Variants in MSRA observed in about 807,000 individuals in gnomAD.
The protein encoded by MSRA is mitochondrial peptide methionine sulfoxide reductase.
In MSRA, 54 loss-of-function variants were observed where a neutral mutation model predicts 31.3. The ratio of observed to expected loss-of-function variants is 1.73; its 90% confidence interval spans 1.39 to 2.17. The LOEUF (loss-of-function observed/expected upper bound fraction) is 2.17. MSRA is among the 30% of genes most tolerant of loss of function. MSRA has a pLI of 0.00. For missense variants in MSRA, 507 were observed against 300.9 expected (o/e 1.69, Z -5.07); for synonymous variants, 169 against 116.5 (o/e 1.45, Z -2.90).
At chr8:10,230,510 A>G (rs2129072767) in intron 2 of MSRA, among the ~76,000 whole-genome samples, 1 of 152,354 alleles carries the variant, frequency 6.6e-6, no homozygotes, top group Middle Eastern at 3.4e-3. Context: ...ATGCATGCTC[A>G]TTACAGAAAA....
chr8:10,262,432 G>T lies in MSRA; in HGVS notation c.331+17209G>T, dbSNP rs1798531846. Among the ~76,000 whole-genome samples, 4 of 152,130 alleles carry T rather than the reference G, an allele frequency of 2.6e-5. No individual in the cohort carries two copies. In the South Asian group the frequency reaches 8.3e-4, roughly 32 times the overall value. ...TGGCAATTCTGATAGGTGTATAGTGGTATCTCCTTATTGTTTTAATTTGCA... is the reference window on the plus strand; with the variant it reads ...TGGCAATTCTGATAGGTGTATAGTGTTATCTCCTTATTGTTTTAATTTGCA... On this transcript the variant is annotated intron_variant, in intron 3 of 5. Transcript: ENST00000317173.
intron 1 of MSRA, among the ~76,000 whole-genome samples, chr8:10,086,319 A>G (rs189208810): frequency 3.9e-5 from 6 of 152,312 alleles, no homozygotes; most frequent in Non-Finnish European, 7.4e-5. Context: ...GAGGTTGAGA[A>G]AGGAATGAAG....
At chr8:10,231,077 C>T (rs1811435229) in intron 2 of MSRA, among the ~76,000 whole-genome samples, 1 of 152,180 alleles carries the variant, frequency 6.6e-6, no homozygotes, top group South Asian at 2.1e-4. Context: ...TCAGCCACCG[C>T]ACCCAGCCTG....
chr8:10,155,720 A>C (rs1804101003), intron 1 of MSRA, among the ~76,000 whole-genome samples: 1 of 152,174 alleles, frequency 6.6e-6, no homozygotes, highest in South Asian at 2.1e-4. Context: ...GAACATCAAT[A>C]AAGAATATTA....
intron 3 of MSRA, among the ~76,000 whole-genome samples, chr8:10,272,384 AG>A (rs1799090570): frequency 6.6e-6 from 1 of 152,190 alleles, no homozygotes; most frequent in Non-Finnish European, 1.5e-5. Context: ...ATCCAGGAAG[AG>A]CTGATGTTTT....
At chr8:10,352,175 T>A (rs1804192712) in intron 5 of MSRA, among the ~76,000 whole-genome samples, 1 of 152,178 alleles carries the variant, frequency 6.6e-6, no homozygotes, top group Non-Finnish European at 1.5e-5. Flanking sequence ...TGAACAGAGT[T>A]GTGTCATAGC....
chr8:10,280,316 T>C (rs1563303160), intron 3 of MSRA, among the ~76,000 whole-genome samples: 1 of 152,142 alleles, frequency 6.6e-6, no homozygotes, highest in South Asian at 2.1e-4. Flanking sequence ...TGTCATTCTC[T>C]TTTTAACTTA....
chr8:10,207,461 G>C (rs1371884263), intron 1 of MSRA, among the ~76,000 whole-genome samples: 1 of 152,140 alleles, frequency 6.6e-6, no homozygotes, highest in Admixed American at 6.5e-5. Context: ...TCTGCAGGGG[G>C]ACTCACCCCC....
intron 1 of MSRA, among the ~76,000 whole-genome samples, chr8:10,152,041 A>C (rs926278415): frequency 6.6e-6 from 1 of 152,188 alleles, no homozygotes; most frequent in African/African-American, 2.4e-5. Context: ...TTCTTATTTC[A>C]ATGTGTACAC....
Position 10,382,847 on chromosome 8 carries a change from G to A in MSRA, c.544-45301G>A, listed in dbSNP as rs538725815. Among the ~76,000 whole-genome samples the A allele has an allele frequency of 2.6e-5, 4 of 152,276 alleles. No individual in the cohort carries two copies. In the South Asian group the frequency reaches 6.2e-4, roughly 24 times the overall value. On this transcript the variant is annotated intron_variant, in intron 5 of 5. Coordinates refer to ENST00000317173, the MANE Select transcript of MSRA (RefSeq NM_012331.5). ...TGCAGCTTGAAATCACCCAGTCTCT[G>A]CCCCTGACGGTTCCTGGTCCACCTT...
chr8:10,227,726 A>G (rs757618347), intron 2 of MSRA, among the ~76,000 whole-genome samples: 1 of 152,222 alleles, frequency 6.6e-6, no homozygotes, highest in South Asian at 2.1e-4. Context: ...TTAAAGCAGC[A>G]TTAGGAATGA....
rs1231685790 is a variant in MSRA at position 10,428,516 on chromosome 8, G to A, written c.*204G>A. 3.5e-6 allele frequency: 2 copies of A among 569,256 alleles called. No homozygotes were observed. Among genetic ancestry groups the A allele is most frequent in the Non-Finnish European group, 6.1e-6 (2 of 327,284 alleles). 35.3% of individuals were successfully genotyped at this position (569,256 alleles called of 1,614,324 possible). ...GACTTATCTCCTAATAAGTTATGGTGGGAGTGGAGCTGTGCAGTTTCCTGT... is the reference window on the plus strand; with the variant it reads ...GACTTATCTCCTAATAAGTTATGGTAGGAGTGGAGCTGTGCAGTTTCCTGT... On this transcript the variant is annotated 3_prime_UTR_variant, in exon 6 of 6. Coordinates refer to ENST00000317173, the MANE Select transcript of MSRA (RefSeq NM_012331.5).
intron 3 of MSRA, among the ~76,000 whole-genome samples, chr8:10,286,323 A>G (rs1188216930): frequency 6.6e-6 from 1 of 152,110 alleles, no homozygotes; most frequent in Admixed American, 6.6e-5. Context: ...TCATGGGGGC[A>G]GGTCTTTCTG....
At chr8:10,295,096 C>T (rs1444488013) in intron 3 of MSRA, among the ~76,000 whole-genome samples, 1 of 152,142 alleles carries the variant, frequency 6.6e-6, no homozygotes, top group Non-Finnish European at 1.5e-5. Flanking sequence ...ATCTCTGCTG[C>T]TCCCGTCTCT....
chr8:10,126,575 T>G (rs1048298234), intron 1 of MSRA, among the ~76,000 whole-genome samples: 7 of 152,168 alleles, frequency 4.6e-5, no homozygotes, highest in African/African-American at 1.7e-4. Context: ...TGCAGTGGCA[T>G]GATGTCTGCT....
intron 1 of MSRA, among the ~76,000 whole-genome samples, chr8:10,181,533 A>T (rs1806539454): frequency 6.6e-6 from 1 of 152,178 alleles, no homozygotes; most frequent in Non-Finnish European, 1.5e-5. Context: ...GTGAAGACTG[A>T]AATGTATCCT....
intron 3 of MSRA, among the ~76,000 whole-genome samples, chr8:10,288,165 T>G (rs867127452): frequency 7.2e-5 from 11 of 152,242 alleles, no homozygotes; most frequent in African/African-American, 1.7e-4. Flanking sequence ...ATCAGACTAC[T>G]GTTTTTCAGG....
chr8:10,212,157 A>G (rs1202687446), intron 2 of MSRA, among the ~76,000 whole-genome samples: 7 of 152,074 alleles, frequency 4.6e-5, no homozygotes, highest in African/African-American at 1.7e-4. Context: ...ACTGCACTCC[A>G]GCCTAGGTAA....
chr8:10,057,728 C>A (rs143527362), intron 1 of MSRA, among the ~76,000 whole-genome samples: 1 of 152,168 alleles, frequency 6.6e-6, no homozygotes, highest in East Asian at 1.9e-4. Flanking sequence ...TGCGCTCTCT[C>A]GTTCTCTCCT....
Sources: gnomAD v4.1 joint callset for allele counts (sites outside exome capture counted in the v4.1 genomes callset) on GRCh38, gnomAD v4.1.1 for gene constraint, MANE v1.5 for transcripts, NCBI Gene and HGNC (gene_info 2026-07-23, HGNC 2026-07-21) for gene names.